HTR3B: variants seen among roughly 807,000 people sequenced by gnomAD.
HTR3B encodes the protein 5-hydroxytryptamine receptor 3B.
HTR3B carries 44 observed loss-of-function variants against 42.8 expected under a neutral mutation model. The ratio of observed to expected loss-of-function variants is 1.03; its 90% CI spans 0.81 to 1.32. The LOEUF (loss-of-function observed/expected upper bound fraction) is 1.32, where lower values mean the gene tolerates loss of function less well. Ranked by LOEUF, HTR3B falls within the 40% of genes most tolerant of loss-of-function variation. The probability of loss-of-function intolerance (pLI) is 0.00; values close to 1 mark genes in which losing one functional copy is unlikely to be tolerated. For missense variants in HTR3B, 527 were observed against 536.5 expected, an observed-to-expected ratio of 0.98 and a Z score of 0.17; for synonymous variants, 203 against 209.0, an observed-to-expected ratio of 0.97 and a Z score of 0.25.
At chr11:113,910,187 A>T (rs1455262025) in intron 2 of HTR3B, among the ~76,000 whole-genome samples, 4 of 152,228 alleles carry the variant, frequency 2.6e-5, no homozygotes, top group East Asian at 3.9e-4. Context: ...TCTTGAGTTT[A>T]TAAGGGGGCT....
intron 2 of HTR3B, among the ~76,000 whole-genome samples, chr11:113,911,445 G>T (rs1339440787): frequency 1.3e-5 from 2 of 151,744 alleles, no homozygotes; most frequent in Admixed American, 1.3e-4. Flanking sequence ...GGTCAGGCTA[G>T]TCTCAAACTC....
chr11:113,935,782 G>A (rs1950086802), intron 6 of HTR3B, among the ~76,000 whole-genome samples: 3 of 152,212 alleles, frequency 2.0e-5, no homozygotes, highest in East Asian at 1.9e-4. Flanking sequence ...TCTACTCGCC[G>A]GCTGTGTCTC....
intron 6 of HTR3B, among the ~76,000 whole-genome samples, chr11:113,938,951 C>T (rs1200100789): frequency 2.0e-5 from 3 of 151,808 alleles, no homozygotes; most frequent in East Asian, 1.9e-4. Flanking sequence ...GTCGAGATTG[C>T]GTCATTGTAC....
chr11:113,922,704 C>T (rs936684704), intron 2 of HTR3B, among the ~76,000 whole-genome samples: 2 of 152,160 alleles, frequency 1.3e-5, no homozygotes, highest in Admixed American at 6.5e-5. Flanking sequence ...TACAGGCGCC[C>T]GCCACTACGC....
chr11:113,899,474 G>A, the HTR3B span, among the ~76,000 whole-genome samples: 2 of 152,322 alleles, frequency 1.3e-5, no homozygotes, highest in South Asian at 2.1e-4. Flanking sequence ...CCCCGAATAT[G>A]TACATCTGTC....
At chr11:113,900,331 G>C (rs1949689198), upstream of HTR3B, among the ~76,000 whole-genome samples, 1 of 152,064 alleles carries the variant, frequency 6.6e-6, no homozygotes, top group African/African-American at 2.4e-5. Flanking sequence ...TGATCTGCTG[G>C]AAAGGCTAGA....
intron 2 of HTR3B, among the ~76,000 whole-genome samples, chr11:113,925,485 G>A (rs1254958723): frequency 7.0e-6 from 1 of 142,492 alleles, no homozygotes; most frequent in Non-Finnish European, 1.5e-5. Context: ...GTGCAGTGGC[G>A]CCATCTCTGC....
At chr11:113,918,268 C>CGTGT (rs60519849) in intron 2 of HTR3B, among the ~76,000 whole-genome samples, 22,683 of 146,838 alleles carry the variant, frequency 0.15, 1,883 homozygotes, top group African/African-American at 0.23. Flanking sequence ...TGTGTGTACT[C>CGTGT]GTGTGTGTGT....
chr11:113,934,338 A>G (rs778505841), intron 6 of HTR3B, among the ~76,000 whole-genome samples: 30 of 152,040 alleles, frequency 2.0e-4, no homozygotes, highest in Admixed American at 3.3e-4. Context: ...CCTGGGTGAC[A>G]CAGGGAGACT....
chr11:113,918,944 A>G (rs1243564790), intron 2 of HTR3B, among the ~76,000 whole-genome samples: 1 of 152,188 alleles, frequency 6.6e-6, no homozygotes, highest in African/African-American at 2.4e-5. Context: ...GGTATGAGCC[A>G]CAGTGACCAG....
chr11:113,942,139 G>A (rs1422636952), intron 6 of HTR3B, among the ~76,000 whole-genome samples: 3 of 152,184 alleles, frequency 2.0e-5, no homozygotes, highest in South Asian at 2.1e-4. Context: ...GGAGGCTGAG[G>A]CAGGGGGATC....
intron 8 of HTR3B, among the ~76,000 whole-genome samples, chr11:113,945,690 A>G (rs960444520): frequency 3.9e-5 from 6 of 152,310 alleles, no homozygotes; most frequent in East Asian, 1.9e-4. Context: ...CCCTGCTTAC[A>G]TAATAACAGC....
chr11:113,924,697 T>TC (rs1949951735), intron 2 of HTR3B, among the ~76,000 whole-genome samples: 1 of 151,864 alleles, frequency 6.6e-6, no homozygotes, highest in Non-Finnish European at 1.5e-5. Flanking sequence ...AGCTTTTTTT[T>TC]CAGCTACCAG....
intron 2 of HTR3B, among the ~76,000 whole-genome samples, chr11:113,920,720 C>A (rs1201910787): frequency 2.0e-5 from 3 of 152,052 alleles, no homozygotes; most frequent in Non-Finnish European, 4.4e-5. Context: ...GCCCTAAGAT[C>A]TTAGAAAATA....
chr11:113,900,930 A>G (rs1949693220), upstream of HTR3B, among the ~76,000 whole-genome samples: 1 of 152,078 alleles, frequency 6.6e-6, no homozygotes, highest in Admixed American at 6.6e-5. Flanking sequence ...ACTCACTATC[A>G]TGAGAACAGC....
At chr11:113,926,750 A>C (rs922235227) in intron 2 of HTR3B, among the ~76,000 whole-genome samples, 1 of 152,086 alleles carries the variant, frequency 6.6e-6, no homozygotes, top group Non-Finnish European at 1.5e-5. Flanking sequence ...CCTGGTCTCA[A>C]ACTGCTGACC....
At chr11:113,918,279 G>GT (rs897740547) in intron 2 of HTR3B, among the ~76,000 whole-genome samples, 2 of 151,404 alleles carry the variant, frequency 1.3e-5, no homozygotes, top group Admixed American at 6.6e-5. Flanking sequence ...GTGTGTGTGT[G>GT]TGTGTGTGTG....
At chr11:113,910,733 C>T (rs2137487729) in intron 2 of HTR3B, among the ~76,000 whole-genome samples, 1 of 152,126 alleles carries the variant, frequency 6.6e-6, no homozygotes, top group East Asian at 1.9e-4. Flanking sequence ...AGCCACCACA[C>T]CCGGCAATTT....
At chr11:113,916,715 CTT>C (rs370516904) in intron 2 of HTR3B, among the ~76,000 whole-genome samples, 78 of 152,166 alleles carry the variant, frequency 5.1e-4, no homozygotes, top group African/African-American at 1.8e-3. Context: ...TCTTTAATTT[CTT>C]TTATTAATGT....
Sources: allele counts gnomAD v4.1 joint callset (sites outside exome capture counted in the v4.1 genomes callset), GRCh38; gene constraint gnomAD v4.1.1; transcripts MANE v1.5; gene names NCBI Gene and HGNC (gene_info 2026-07-23, HGNC 2026-07-21).